The following CNBD1 variants were observed in gnomAD, a reference collection of about 807,000 sequenced individuals.
The protein encoded by CNBD1 is cyclic nucleotide binding domain containing 1.
A neutral mutation model predicts 54.4 loss-of-function variants in CNBD1; 71 were observed. The ratio of observed to expected loss-of-function variants is 1.30; its 90% CI spans 1.08 to 1.59. The LOEUF (loss-of-function observed/expected upper bound fraction) is 1.59, where lower values mean the gene tolerates loss of function less well. CNBD1 is among the 40% of genes most tolerant of loss of function. CNBD1 has a pLI of 0.00. For synonymous variants in CNBD1, 182 were observed against 170.7 expected, an observed-to-expected ratio of 1.07 and a Z score of -0.51; for missense variants, 659 against 518.0, an observed-to-expected ratio of 1.27 and a Z score of -2.64.
At chr8:87,332,552 T>G (rs1809858057) in intron 8 of CNBD1, among the ~76,000 whole-genome samples, 1 of 152,190 alleles carries the variant, frequency 6.6e-6, no homozygotes, top group African/African-American at 2.4e-5. Flanking sequence ...GAGTTAATTT[T>G]TGCATAAGGT....
intron 8 of CNBD1, among the ~76,000 whole-genome samples, chr8:87,295,221 A>G (rs147076711): frequency 0.012 from 1,818 of 151,930 alleles, 135 homozygotes; most frequent in Admixed American, 0.11. Context: ...TAGTATAACA[A>G]TGCACTACAG....
intron 4 of CNBD1, among the ~76,000 whole-genome samples, chr8:87,064,828 A>C (rs1952383984): frequency 6.6e-6 from 1 of 151,766 alleles, no homozygotes; most frequent in South Asian, 2.1e-4. Context: ...GTAATTTATC[A>C]TCTTTCATCA....
At chr8:87,389,829 G>T (rs111589353) in intron 2 of CNBD1, among the ~76,000 whole-genome samples, 2 of 151,988 alleles carry the variant, frequency 1.3e-5, no homozygotes, top group Non-Finnish European at 2.9e-5. Flanking sequence ...GAGGCATCAC[G>T]CTACCTGACT....
At chr8:87,424,060 G>C (rs941836695) in intron 2 of CNBD1, among the ~76,000 whole-genome samples, 1 of 152,148 alleles carries the variant, frequency 6.6e-6, no homozygotes, top group Non-Finnish European at 1.5e-5. Flanking sequence ...TAGTTTATTT[G>C]TGTAGAAGTG....
chr8:87,155,043 C>G (rs781752938), intron 4 of CNBD1, among the ~76,000 whole-genome samples: 1 of 152,098 alleles, frequency 6.6e-6, no homozygotes, highest in Non-Finnish European at 1.5e-5. Flanking sequence ...AAGATTTGCT[C>G]TAGTTCAGCA....
At chr8:87,276,872 A>C (rs1205123210) in intron 6 of CNBD1, among the ~76,000 whole-genome samples, 1 of 151,826 alleles carries the variant, frequency 6.6e-6, no homozygotes, top group Non-Finnish European at 1.5e-5. Context: ...CAGGAACCTT[A>C]GAATGCCAGA....
intron 10 of CNBD1, among the ~76,000 whole-genome samples, chr8:87,377,206 G>C (rs543484459): frequency 6.0e-5 from 9 of 150,466 alleles, no homozygotes; most frequent in Non-Finnish European, 1.5e-5. Flanking sequence ...CATTGTGCAG[G>C]TTAGTTACAT....
chr8:87,243,078 CA>C (rs1019445725), intron 6 of CNBD1, among the ~76,000 whole-genome samples: 9 of 152,222 alleles, frequency 5.9e-5, no homozygotes, highest in Admixed American at 5.2e-4. Flanking sequence ...TTCCCAAATA[CA>C]AAATATTTCT....
intron 1 of CNBD1, among the ~76,000 whole-genome samples, chr8:86,875,836 A>G (rs150007448): frequency 1.6e-4 from 24 of 152,286 alleles, no homozygotes; most frequent in African/African-American, 5.8e-4. Context: ...TAATTTTAAA[A>G]ATTTCAACTT....
chr8:86,886,887 A>G (rs1402294020), intron 1 of CNBD1, among the ~76,000 whole-genome samples: 1 of 152,198 alleles, frequency 6.6e-6, no homozygotes, highest in Non-Finnish European at 1.5e-5. Context: ...GCAATGCTCT[A>G]TCTTCCTTTC....
At chr8:87,312,211 T>C (rs910012132) in intron 8 of CNBD1, among the ~76,000 whole-genome samples, 2 of 152,092 alleles carry the variant, frequency 1.3e-5, no homozygotes, top group Non-Finnish European at 2.9e-5. Flanking sequence ...AAAATAAAAC[T>C]ACTATATCGA....
chr8:87,334,709 T>C (rs542684036), intron 8 of CNBD1, among the ~76,000 whole-genome samples: 1 of 144,980 alleles, frequency 6.9e-6, no homozygotes, highest in South Asian at 2.1e-4. Flanking sequence ...TTTCTTTTCT[T>C]TTCTTTTTTC....
intron 3 of CNBD1, among the ~76,000 whole-genome samples, chr8:86,921,219 T>G (rs933873480): frequency 6.7e-6 from 1 of 149,964 alleles, no homozygotes; most frequent in Non-Finnish European, 1.5e-5. Context: ...ATAATAAATG[T>G]TTGAACCATA....
chr8:87,074,807 C>A lies in CNBD1; in HGVS notation c.432-131186C>A, dbSNP rs148379114. Among the ~76,000 whole-genome samples the A allele has an allele frequency of 4.3e-3, 653 of 152,306 alleles. 2 individuals carry two copies. The highest frequency in any genetic ancestry group is 0.015 in the African/African-American group (633 of 41,562). ...AACCTGGATATTTCAGTTGAAGGCA[C>A]TGAATTCACTTGCCTCTTTCATTCC... is the stretch of plus-strand genomic sequence containing the variant. On this transcript the variant is annotated intron_variant, in intron 4 of 10. Coordinates refer to ENST00000518476, the MANE Select transcript of CNBD1 (RefSeq NM_173538.3).
intron 4 of CNBD1, among the ~76,000 whole-genome samples, chr8:86,957,199 GC>G (rs1338102975): frequency 6.6e-6 from 1 of 152,180 alleles, no homozygotes; most frequent in Non-Finnish European, 1.5e-5. Flanking sequence ...TGGTGGATAA[GC>G]TTTTTGATGA....
chr8:86,968,790 T>G (rs2130486213), intron 4 of CNBD1, among the ~76,000 whole-genome samples: 1 of 152,320 alleles, frequency 6.6e-6, no homozygotes, highest in Middle Eastern at 3.4e-3. Flanking sequence ...AATCTGCATT[T>G]TTTGTAAGAC....
At chr8:87,119,304 G>C (rs1309258667) in intron 4 of CNBD1, among the ~76,000 whole-genome samples, 1 of 150,156 alleles carries the variant, frequency 6.7e-6, no homozygotes, top group East Asian at 1.9e-4. Flanking sequence ...TTTACTTCTT[G>C]GGTTAAATTA....
chr8:87,392,327 A>G (rs1489096455), intron 2 of CNBD1, among the ~76,000 whole-genome samples: 4 of 152,008 alleles, frequency 2.6e-5, no homozygotes, highest in Admixed American at 2.6e-4. Flanking sequence ...AAGTGAAAAC[A>G]TATGTACATG....
At chr8:86,955,534 G>T (rs1433236164) in intron 4 of CNBD1, among the ~76,000 whole-genome samples, 1 of 152,222 alleles carries the variant, frequency 6.6e-6, no homozygotes, top group Non-Finnish European at 1.5e-5. Context: ...TCTAACTGAT[G>T]TGAGATGGTA....
Sources: gnomAD v4.1 joint callset for allele counts (sites outside exome capture counted in the v4.1 genomes callset) on GRCh38, gnomAD v4.1.1 for gene constraint, MANE v1.5 for transcripts, NCBI Gene and HGNC (gene_info 2026-07-23, HGNC 2026-07-21) for gene names.